The following APBB2 variants were observed in gnomAD, a reference collection of about 807,000 sequenced individuals.
The protein encoded by APBB2 is Fe65-like 1.
A neutral mutation model predicts 82.5 loss-of-function variants in APBB2; 38 were observed. The ratio of observed to expected loss-of-function variants is 0.46; its 90% CI spans 0.36 to 0.60. The LOEUF is 0.60. Among genes scored for constraint, APBB2 ranks in the 20% least tolerant of loss-of-function variants. APBB2 has a pLI of 0.00. For synonymous variants in APBB2, 341 were observed against 368.2 expected (o/e 0.93, Z 0.85); for missense variants, 772 against 972.3 (o/e 0.79, Z 2.74).
At chr4:40,964,881 G>A (rs1372652048) in intron 6 of APBB2, among the ~76,000 whole-genome samples, 1 of 151,822 alleles carries the variant, frequency 6.6e-6, no homozygotes, top group Non-Finnish European at 1.5e-5. Context: ...AGCACTTTGG[G>A]AGGCCAAGGC....
At chr4:41,039,222 G>C (rs1463770610) in intron 4 of APBB2, among the ~76,000 whole-genome samples, 1 of 152,144 alleles carries the variant, frequency 6.6e-6, no homozygotes, top group Non-Finnish European at 1.5e-5. Context: ...GTTGTACAGG[G>C]TAGTCCTAAG....
intron 12 of APBB2, chr4:40,857,269 G>C (rs1051366639): frequency 1.3e-6 from 1 of 753,062 alleles, no homozygotes; most frequent in Admixed American, 6.3e-5. Flanking sequence ...CTCCCGTGAA[G>C]TGCTCCCGCT....
intron 4 of APBB2, among the ~76,000 whole-genome samples, chr4:41,059,582 C>A (rs559469558): frequency 3.3e-4 from 50 of 152,392 alleles, no homozygotes; most frequent in Non-Finnish European, 6.2e-4. Flanking sequence ...CGTTCTTAAG[C>A]CACAAACAAT....
intron 7 of APBB2, among the ~76,000 whole-genome samples, chr4:40,937,838 T>A (rs1007196876): frequency 2.0e-4 from 31 of 152,348 alleles, no homozygotes; most frequent in Admixed American, 1.4e-3. Flanking sequence ...ACTTTTTTAA[T>A]TAAGAAGAGA....
intron 3 of APBB2, among the ~76,000 whole-genome samples, chr4:41,071,695 A>C (rs1051408665): frequency 2.6e-5 from 4 of 152,070 alleles, no homozygotes; most frequent in African/African-American, 9.7e-5. Context: ...AAAACAATTA[A>C]AATTTTTTAA....
rs1780188362 is a variant in APBB2 at position 41,214,529 on chromosome 4, G to C, written c.-541C>G. 1 of 152,292 alleles carries C rather than the reference G, an allele frequency of 6.6e-6. No homozygotes were observed. The highest frequency in any genetic ancestry group is 2.4e-5 in the African/African-American group (1 of 41,452). The allele number at this position is 152,292 out of a possible 1,614,324, so 9.4% of individuals were successfully genotyped here. ...CTAGCTTCCTACTTGAGACCAGAAC[G>C]GGCTCCGGCAACTGAGCATGCTCAG... On this transcript the variant is annotated 5_prime_UTR_variant, in exon 1 of 18. Transcript: ENST00000508593.
Position 41,023,535 on chromosome 4 carries a change from A to G in APBB2, c.20-9137T>C, listed in dbSNP as rs529435925. 4.1e-3 allele frequency among the ~76,000 whole-genome samples: 621 copies of G among 152,316 alleles called. 6 individuals are homozygous for G. Among genetic ancestry groups the G allele is most frequent in the African/African-American group, 0.014 (600 of 41,574 alleles). On this transcript the variant is annotated intron_variant, in intron 5 of 17. Coordinates refer to ENST00000508593, the MANE Select transcript of APBB2 (RefSeq NM_004307.2). ...AAATCACTAGCATTCCTATCCACCAACAACAGCCAAGCAGGGAGCCAAATC... is the reference window on the plus strand; with the variant it reads ...AAATCACTAGCATTCCTATCCACCAGCAACAGCCAAGCAGGGAGCCAAATC...
At chr4:40,913,933 A>G (rs1462427597) in intron 10 of APBB2, among the ~76,000 whole-genome samples, 1 of 152,158 alleles carries the variant, frequency 6.6e-6, no homozygotes, top group East Asian at 1.9e-4. Flanking sequence ...CAACGGATCA[A>G]TAACATACAC....
At chr4:40,977,803 A>G (rs1017265291) in intron 6 of APBB2, among the ~76,000 whole-genome samples, 3 of 152,238 alleles carry the variant, frequency 2.0e-5, no homozygotes, top group African/African-American at 7.2e-5. Flanking sequence ...ATCACCAGAA[A>G]GACACTGGAG....
In APBB2 at chr4:41,014,205, T is replaced by C. The variant is rs746233933; in HGVS notation, c.213A>G (p.Ala71=). ...CCATGGCCGCCTGGATGTTAGTTAG[T>C]GCATATTTTTTCCTGCATTTGGGAG... ...STPPKCRKKY[A]LTNIQAAMGL... is the part of the protein sequence containing the mutation. Residue 71 remains alanine, a synonymous_variant, in exon 6 of 18, where the codon GCA becomes GCG. Transcript: ENST00000508593. The C allele has an allele frequency of 5.6e-6, 9 of 1,614,252 alleles. No individual in the cohort carries two copies. The highest frequency in any genetic ancestry group is 4.4e-5 in the South Asian group (4 of 91,082).
intron 12 of APBB2, among the ~76,000 whole-genome samples, chr4:40,831,924 G>A (rs540511301): frequency 1.1e-4 from 17 of 151,990 alleles, no homozygotes; most frequent in African/African-American, 3.4e-4. Context: ...CATGCGATAC[G>A]ACTGTATTTC....
At chr4:41,171,024 G>A (rs944404807) in intron 1 of APBB2, among the ~76,000 whole-genome samples, 1 of 152,092 alleles carries the variant, frequency 6.6e-6, no homozygotes, top group African/African-American at 2.4e-5. Flanking sequence ...AGGTCTGCAG[G>A]GATGGCCCTT....
At chr4:41,158,093 CA>C (rs1242107593) in intron 1 of APBB2, among the ~76,000 whole-genome samples, 1 of 151,476 alleles carries the variant, frequency 6.6e-6, no homozygotes, top group African/African-American at 2.4e-5. Flanking sequence ...TTCGTGGGGA[CA>C]AAAAAAATGG....
At chr4:41,161,110 C>T (rs1031532198) in intron 1 of APBB2, among the ~76,000 whole-genome samples, 1 of 140,730 alleles carries the variant, frequency 7.1e-6, no homozygotes, top group African/African-American at 2.7e-5. Context: ...AATGAAATTA[C>T]ACCAACTCAA....
At chr4:41,122,085 G>A (rs1226763305) in intron 2 of APBB2, among the ~76,000 whole-genome samples, 3 of 152,008 alleles carry the variant, frequency 2.0e-5, no homozygotes, top group Non-Finnish European at 4.4e-5. Context: ...CACCAGGCTT[G>A]ACTAATTTTG....
chr4:41,138,147 C>CA (rs1758103690), intron 2 of APBB2: 1 of 142,988 alleles, frequency 7.0e-6, no homozygotes, highest in South Asian at 2.4e-4. Context: ...AGCCTGGTGA[C>CA]AGAGTGAGAC....
chr4:40,882,435 T>A (rs1428463553), intron 12 of APBB2, among the ~76,000 whole-genome samples: 1 of 152,186 alleles, frequency 6.6e-6, no homozygotes, highest in Non-Finnish European at 1.5e-5. Flanking sequence ...GCCTGCTAGC[T>A]GTGCTGGAAT....
chr4:41,033,169 T>G, intron 5 of APBB2, 67 bp downstream of exon 5: 8 of 993,196 alleles, frequency 8.1e-6, no homozygotes, highest in Non-Finnish European at 1.3e-5. Context: ...ACATTAAACA[T>G]TATCTTTTTT....
intron 6 of APBB2, among the ~76,000 whole-genome samples, chr4:40,985,454 T>G (rs891942071): frequency 6.6e-6 from 1 of 152,162 alleles, no homozygotes; most frequent in Non-Finnish European, 1.5e-5. Context: ...GGCGGTTACA[T>G]GAAGAACTGT....
Sources: allele counts gnomAD v4.1 joint callset (sites outside exome capture counted in the v4.1 genomes callset), GRCh38; gene constraint gnomAD v4.1.1; transcripts MANE v1.5; gene names NCBI Gene and HGNC (gene_info 2026-07-23, HGNC 2026-07-21).